Variants in ITFG2 observed in about 807,000 individuals in gnomAD.
The protein encoded by ITFG2 is KICSTOR complex protein ITFG2.
A neutral mutation model predicts 54.4 loss-of-function variants in ITFG2; 36 were observed. That is an observed-to-expected ratio of 0.66 (90% CI 0.51 to 0.87). ITFG2 has a LOEUF of 0.87. Among genes scored for constraint, ITFG2 ranks in the 40% least tolerant of loss-of-function variants. The pLI, the probability that ITFG2 is intolerant of heterozygous loss-of-function variation, is 0.00. For synonymous variants in ITFG2, 211 were observed against 225.4 expected, an observed-to-expected ratio of 0.94 and a Z score of 0.57; for missense variants, 524 against 576.7, an observed-to-expected ratio of 0.91 and a Z score of 0.94.
At position 2,820,898 on chromosome 12, in the gene ITFG2, G is replaced by A. The variant is rs540414717; in HGVS notation, c.695+26G>A. ...GTAAGGGGGTACAGGCCAGTGGATG[G>A]TGTGGGGGTGCATGGAAGCAGGATG... On this transcript the variant is annotated intron_variant, in intron 6 of 11. Coordinates refer to ENST00000228799, the MANE Select transcript of ITFG2 (RefSeq NM_018463.4). 16 of 1,610,152 alleles carry A rather than the reference G, an allele frequency of 9.9e-6. No individual in the cohort carries two copies. In the South Asian group the frequency reaches 1.6e-4, roughly 17 times the overall value.
chr12:2,820,655 C>G (rs1033880817), intron 5 of ITFG2, 69 bp from the exon 6 acceptor site: 2 of 1,045,836 alleles, frequency 1.9e-6, no homozygotes, highest in Non-Finnish European at 2.7e-6. Flanking sequence ...CCCACCGCCC[C>G]CTGCCGTTCT....
At chr12:2,817,786 T>G in intron 2 of ITFG2, 123 bp from the exon 3 acceptor site, 3 of 887,848 alleles carry the variant, frequency 3.4e-6, no homozygotes, top group Non-Finnish European at 5.2e-6. Flanking sequence ...CCATGGTTCA[T>G]ATGGCGAAAG....
At chr12:2,857,144 C>T (rs918544782) in intron 2 of ITFG2, 4 of 696,546 alleles carry the variant, frequency 5.7e-6, no homozygotes, top group Admixed American at 2.0e-5. Context: ...GAGAAGAGGC[C>T]CTCACCTGTC....
rs2097950216 is a variant in ITFG2 at position 2,822,872 on chromosome 12, C to T, written c.1027C>T (p.Arg343Cys). 4 of 1,614,154 alleles carry T rather than the reference C, an allele frequency of 2.5e-6. No homozygotes were observed. Among genetic ancestry groups the T allele is most frequent in the Non-Finnish European group, 3.4e-6 (4 of 1,180,030 alleles). Residue 343 changes from arginine to cysteine, a missense_variant, in exon 10 of 12, where the codon CGC (arginine) becomes TGC (cysteine). Transcript: ENST00000228799. ...YIIDHNRTVV[R>C]FQVDENIRAF... ...CATTGATCACAACCGCACCGTCGTC[C>T]GCTTCCAAGTGGATGAAAATATCCG...
At chr12:2,822,474 C>T (rs1013214171) in intron 9 of ITFG2, among the ~76,000 whole-genome samples, 1 of 152,162 alleles carries the variant, frequency 6.6e-6, no homozygotes, top group Non-Finnish European at 1.5e-5. Context: ...CCTGAATCAG[C>T]AGGTAGGGGC....
intron 1 of ITFG2, among the ~76,000 whole-genome samples, chr12:2,817,005 T>G (rs998748662): frequency 6.6e-6 from 1 of 152,194 alleles, no homozygotes; most frequent in African/African-American, 2.4e-5. Flanking sequence ...TTGCCCAGGC[T>G]GGTCTCTAAC....
chr12:2,851,299 A>G (rs1202451866), intron 2 of ITFG2, among the ~76,000 whole-genome samples: 1 of 152,150 alleles, frequency 6.6e-6, no homozygotes, highest in Non-Finnish European at 1.5e-5. Flanking sequence ...ATTACTGTAC[A>G]CTACTGTGGA....
At chr12:2,846,549 T>G (rs912486571) in intron 2 of ITFG2, among the ~76,000 whole-genome samples, 1 of 152,062 alleles carries the variant, frequency 6.6e-6, no homozygotes, top group East Asian at 1.9e-4. Context: ...CGGGCTTCAC[T>G]TTGCCCATCT....
At chr12:2,828,067 G>T (rs112130916), downstream of ITFG2, 96 of 1,601,342 alleles carry the variant, frequency 6.0e-5, no homozygotes, top group African/African-American at 7.5e-4. Context: ...GGAAGCAAGG[G>T]TTATGGCTAC....
chr12:2,858,819 G>A (rs1411714091), intron 3 of ITFG2: 1 of 1,614,234 alleles, frequency 6.2e-7, no homozygotes. Flanking sequence ...TGGCTCCGGG[G>A]AGCCTGGCTT....
At chr12:2,819,050 G>A (rs1015459760) in intron 4 of ITFG2, among the ~76,000 whole-genome samples, 5 of 151,902 alleles carry the variant, frequency 3.3e-5, no homozygotes, top group African/African-American at 1.2e-4. Context: ...GACCACGGTG[G>A]TTCACGCCTG....
downstream of ITFG2, chr12:2,825,121 G>T (rs747008436): frequency 1.3e-5 from 2 of 152,200 alleles, no homozygotes; most frequent in Non-Finnish European, 2.9e-5. Flanking sequence ...AGTCATATGT[G>T]CATGTGTGTA....
chr12:2,845,588 C>T lies in ITFG2; in HGVS notation n.300+4593C>T, dbSNP rs1273358979. Reference sequence around the variant, plus strand: ...TCCTTTGCTGGGATTAACTGTTGTCCGTGAAGCTGGTGGCATTCAGCAGGG... The same window carrying T: ...TCCTTTGCTGGGATTAACTGTTGTCTGTGAAGCTGGTGGCATTCAGCAGGG... On this transcript the variant is annotated intron_variant and non_coding_transcript_variant, in intron 2 of 3. Coordinates refer to the ITFG2 transcript ENST00000537710. The surrounding 1 kb of genome is among the most constrained non-coding windows in gnomAD (Gnocchi z 4.2). Among the ~76,000 whole-genome samples the T allele has an allele frequency of 6.6e-6, 1 of 152,090 alleles. No homozygotes were observed. Among genetic ancestry groups the T allele is most frequent in the Non-Finnish European group, 1.5e-5 (1 of 68,024 alleles).
At chr12:2,820,598 G>A (rs2097940265) in intron 5 of ITFG2, 126 bp from the exon 6 acceptor site, 2 of 828,670 alleles carry the variant, frequency 2.4e-6, no homozygotes, top group South Asian at 3.4e-5. Flanking sequence ...AAGCCCAGAG[G>A]GCTGTTCCCA....
At chr12:2,835,774 C>T (rs750773048), upstream of ITFG2, among the ~76,000 whole-genome samples, 5 of 152,168 alleles carry the variant, frequency 3.3e-5, no homozygotes, top group African/African-American at 7.2e-5. Flanking sequence ...CTTCCACTTC[C>T]GCCTGCTGAA....
downstream of ITFG2, chr12:2,827,705 G>A: frequency 6.2e-7 from 1 of 1,613,722 alleles, no homozygotes. This position sits in a 1 kb window ranked among gnomAD's most constrained non-coding sequence, Gnocchi z 4.0. Context: ...AAACAGAAGA[G>A]GCTGAGGGTT....
At position 2,821,268 on chromosome 12, in the gene ITFG2, C is replaced by G. The variant is rs371776795; in HGVS notation, c.702C>G (p.Thr234=). 2 of 1,605,882 alleles carry G rather than the reference C, an allele frequency of 1.2e-6. No individual in the cohort carries two copies. Among genetic ancestry groups the G allele is most frequent in the Non-Finnish European group, 1.7e-6 (2 of 1,176,034 alleles). Residue 234 remains threonine (T), a synonymous_variant, in exon 7 of 12, where the codon ACC becomes ACG. Coordinates refer to ENST00000228799, the MANE Select transcript of ITFG2 (RefSeq NM_018463.4). ...SEGPTDGSRE[T]PAARDVVLHQ... ...GTCCACCTGCTGTGCACAGGGAGAC[C>G]CCAGCTGCCCGAGACGTGGTGCTGC...
chr12:2,822,272 C>G (rs1242612107), intron 9 of ITFG2, among the ~76,000 whole-genome samples: 2 of 152,198 alleles, frequency 1.3e-5, no homozygotes, highest in Non-Finnish European at 2.9e-5. Flanking sequence ...TTTGTTTCCT[C>G]TTACTCGACC....
intron 2 of ITFG2, among the ~76,000 whole-genome samples, chr12:2,852,006 A>G (rs2153928899): frequency 6.6e-6 from 1 of 152,306 alleles, no homozygotes; most frequent in South Asian, 2.1e-4. Flanking sequence ...AAATGAGGTA[A>G]TTGTGCTAAA....
Sources: gnomAD v4.1 joint callset for allele counts (sites outside exome capture counted in the v4.1 genomes callset) on GRCh38, gnomAD v4.1.1 for gene constraint, Gnocchi (gnomAD v3.1) non-coding constraint, MANE v1.5 for transcripts, NCBI Gene and HGNC (gene_info 2026-07-23, HGNC 2026-07-21) for gene names.